DEFB119: variants seen among roughly 807,000 people sequenced by gnomAD.
DEFB119 encodes defensin beta 119.
DEFB119 carries 3 observed loss-of-function variants against 2.5 expected under a neutral mutation model. The ratio of observed to expected loss-of-function variants is 1.19; its 90% confidence interval spans 0.54 to 3.07. The LOEUF is 3.07. DEFB119 is among the 30% of genes most tolerant of loss of function. DEFB119 has a pLI of 0.03. For missense variants in DEFB119, 113 were observed against 101.1 expected (o/e 1.12, Z -0.50); for synonymous variants, 29 against 33.7 (o/e 0.86, Z 0.48).
intron 1 of DEFB119, 49 bp from the exon 2 acceptor site, chr20:31,377,488 T>C: frequency 1.3e-6 from 2 of 1,557,446 alleles, no homozygotes; most frequent in Non-Finnish European, 1.7e-6. Flanking sequence ...AGGAGTGACA[T>C]AAATCTGATA....
At position 31,390,444 on chromosome 20, in the gene DEFB119, T is replaced by C; in HGVS notation, c.40A>G (p.Ile14Val). 6.2e-7 allele frequency: 1 copy of C among 1,612,726 alleles called. No individual in the cohort carries two copies. The highest frequency in any genetic ancestry group is 8.5e-7 in the Non-Finnish European group (1 of 1,179,576). ...LYLFLAILLA[I>V]EEPVISGKRH... ...TTACCTGATATCACTGGTTCTTCTATGGCCAGAAGGATGGCAAGAAACAGG... is the reference window on the plus strand; with the variant it reads ...TTACCTGATATCACTGGTTCTTCTACGGCCAGAAGGATGGCAAGAAACAGG... The change falls in exon 1 of 2, where the codon ATA becomes GTA. Residue 14 changes from isoleucine (I) to valine (V), a missense_variant. Transcript: ENST00000376321.
At chr20:31,384,703 T>A (rs1222098003) in intron 1 of DEFB119, among the ~76,000 whole-genome samples, 1 of 152,224 alleles carries the variant, frequency 6.6e-6, no homozygotes, top group Non-Finnish European at 1.5e-5. Flanking sequence ...TAGGATCAGC[T>A]GAGATCCCTC....
chr20:31,389,035 G>C, intron 1 of DEFB119: 2 of 1,613,992 alleles, frequency 1.2e-6, no homozygotes, highest in Non-Finnish European at 1.7e-6. Context: ...CTATCTATTA[G>C]TTATATTTGT....
chr20:31,387,941 A>C, intron 1 of DEFB119: 1 of 630,884 alleles, frequency 1.6e-6, no homozygotes, highest in Non-Finnish European at 2.0e-6. Flanking sequence ...AGCTGAGAGC[A>C]AATAGTCTTC....
At chr20:31,384,159 A>T (rs1008911114) in intron 1 of DEFB119, among the ~76,000 whole-genome samples, 2 of 152,230 alleles carry the variant, frequency 1.3e-5, no homozygotes, top group South Asian at 2.1e-4. Context: ...GGAGCTTCTT[A>T]AGAGTAAATT....
chr20:31,387,999 G>A, intron 1 of DEFB119: 1 of 918,258 alleles, frequency 1.1e-6, no homozygotes, highest in Non-Finnish European at 1.3e-6. Context: ...CATGAACCAT[G>A]CTTTACCGAG....
At chr20:31,382,724 C>T (rs1986545314) in intron 1 of DEFB119, among the ~76,000 whole-genome samples, 2 of 152,170 alleles carry the variant, frequency 1.3e-5, no homozygotes, top group African/African-American at 4.8e-5. Context: ...CTGGTGAATT[C>T]ATTATTCATG....
intron 1 of DEFB119, among the ~76,000 whole-genome samples, chr20:31,386,754 AG>A (rs1986715705): frequency 1.3e-5 from 2 of 150,808 alleles, no homozygotes; most frequent in Non-Finnish European, 3.0e-5. Flanking sequence ...ATAGCTCTGT[AG>A]GGTGACTATA....
chr20:31,383,465 G>T (rs1986573305), intron 1 of DEFB119, among the ~76,000 whole-genome samples: 1 of 147,090 alleles, frequency 6.8e-6, no homozygotes, highest in Non-Finnish European at 1.5e-5. Flanking sequence ...AATCGCTTGA[G>T]CCTGGCTACA....
chr20:31,377,574 G>GA (rs1035786933), intron 1 of DEFB119, 135 bp from the exon 2 acceptor site: 138 of 976,272 alleles, frequency 1.4e-4, no homozygotes, highest in Middle Eastern at 3.2e-4. Flanking sequence ...TCTACTTCCA[G>GA]AAAAAAAAGA....
intron 1 of DEFB119, 77 bp downstream of exon 1, chr20:31,390,346 T>G: frequency 7.4e-7 from 1 of 1,353,100 alleles, no homozygotes; most frequent in Admixed American, 1.8e-5. Flanking sequence ...CTTCAGATGA[T>G]GCCCACAGTG....
At chr20:31,386,333 C>T (rs970809315) in intron 1 of DEFB119, among the ~76,000 whole-genome samples, 5 of 152,112 alleles carry the variant, frequency 3.3e-5, no homozygotes, top group Admixed American at 1.3e-4. Flanking sequence ...GCCTAAGTGT[C>T]CCAGCTCCCA....
intron 1 of DEFB119, among the ~76,000 whole-genome samples, chr20:31,381,379 C>G (rs1473271368): frequency 6.6e-6 from 1 of 152,354 alleles, no homozygotes; most frequent in South Asian, 2.1e-4. Context: ...ATGACATCTT[C>G]AAATAGACAC....
intron 1 of DEFB119, among the ~76,000 whole-genome samples, chr20:31,383,597 A>T (rs1421674209): frequency 6.8e-6 from 1 of 146,136 alleles, no homozygotes; most frequent in African/African-American, 2.5e-5. Context: ...GCACTTTGGG[A>T]GGCCGAGGCG....
intron 1 of DEFB119, chr20:31,378,370 C>T: frequency 6.2e-7 from 1 of 1,614,138 alleles, no homozygotes; most frequent in South Asian, 1.1e-5. Context: ...ATCCAGGCAG[C>T]ATCCCACTGT....
At chr20:31,384,391 T>G (rs1986612458) in intron 1 of DEFB119, among the ~76,000 whole-genome samples, 1 of 152,170 alleles carries the variant, frequency 6.6e-6, no homozygotes, top group Non-Finnish European at 1.5e-5. Context: ...ATCAAACTAT[T>G]TCATGTGCCC....
rs143367230 is a variant in DEFB119, at chr20:31,384,393, C to G, written c.61+6030G>C. Among the ~76,000 whole-genome samples, 248 of 152,216 alleles carry G rather than the reference C, an allele frequency of 1.6e-3. 2 individuals are homozygous for G. The highest frequency in any genetic ancestry group is 5.8e-3 in the African/African-American group (241 of 41,546). On this transcript the variant is annotated intron_variant, in intron 1 of 1. Transcript: ENST00000376321. ...ACTAAATTCCTGTATCAAACTATTT[C>G]ATGTGCCCCGTAAATATATACACCT... is the stretch of plus-strand genomic sequence containing the variant.
Position 31,390,579 on chromosome 20 carries a change from A to C in DEFB119, c.-96T>G, listed in dbSNP as rs774979398. 3.3e-5 allele frequency: 40 copies of C among 1,218,420 alleles called. No homozygotes were observed. The highest frequency in any genetic ancestry group is 4.4e-5 in the Non-Finnish European group (37 of 838,804). The allele number at this position is 1,218,420 out of a possible 1,614,324, so 75.5% of individuals were successfully genotyped here. A position where few individuals can be genotyped will look rare whatever the true frequency, so the allele number is the denominator to read the frequency against. On this transcript the variant is annotated 5_prime_UTR_variant, in exon 1 of 2. Coordinates refer to ENST00000376321, the MANE Select transcript of DEFB119 (RefSeq NM_153289.4). ...AGAGATGAGCTTTGCTTTTATCAGC[A>C]GGGCTGTGGGCAGTGAATTAGAACA...
At chr20:31,378,708 T>C (rs1385780899) in intron 1 of DEFB119, among the ~76,000 whole-genome samples, 2 of 152,160 alleles carry the variant, frequency 1.3e-5, no homozygotes, top group African/African-American at 4.8e-5. Context: ...TTTTTTTCTT[T>C]AAGACCATGT....
Sources: allele counts gnomAD v4.1 joint callset (sites outside exome capture counted in the v4.1 genomes callset), GRCh38; gene constraint gnomAD v4.1.1; transcripts MANE v1.5; gene names NCBI Gene and HGNC (gene_info 2026-07-23, HGNC 2026-07-21).